TSGA13: variants seen among roughly 807,000 people sequenced by gnomAD.
The protein encoded by TSGA13 is testis specific 13, also known as testis-specific gene 13 protein.
Under a neutral mutation model 35.1 loss-of-function variants are expected in TSGA13, and 37 were observed. The observed-to-expected ratio is 1.05, with a 90% CI of 0.81 to 1.39. TSGA13 has a LOEUF of 1.39. TSGA13 is among the 40% of genes most tolerant of loss of function. TSGA13 has a pLI of 0.00. For synonymous variants in TSGA13, 124 were observed against 121.2 expected (o/e 1.02, Z -0.15); for missense variants, 338 against 328.5 (o/e 1.03, Z -0.22).
Position 130,671,801 on chromosome 7 carries a change from A to G in TSGA13, c.531-13T>C, listed in dbSNP as rs1234036247. The G allele has an allele frequency of 5.1e-6, 8 of 1,567,780 alleles. No homozygotes were observed. Among genetic ancestry groups the G allele is most frequent in the Non-Finnish European group, 6.9e-6 (8 of 1,152,366 alleles). On this transcript the variant is annotated splice_polypyrimidine_tract_variant and intron_variant, in intron 6 of 7. Coordinates refer to ENST00000356588, the MANE Select transcript of TSGA13 (RefSeq NM_052933.4). ...GTCAGTGGAAAACCTTAACAAAGAA[A>G]GTTCTTTGTTTAGTAGATCCTAGGG...
intron 5 of TSGA13, 34 bp from the exon 6 acceptor site, chr7:130,672,910 T>G (rs1362420958): frequency 2.5e-6 from 4 of 1,596,686 alleles, no homozygotes; most frequent in East Asian, 4.5e-5. Flanking sequence ...AGTGAGGGAG[T>G]AAGCTGAGTC....
At position 130,671,902 on chromosome 7, in the gene TSGA13, T is replaced by C. The variant is rs922880701; in HGVS notation, c.531-114A>G. On this transcript the variant is annotated intron_variant, in intron 6 of 7. Coordinates refer to ENST00000356588, the MANE Select transcript of TSGA13 (RefSeq NM_052933.4). The stretch of plus-strand genomic sequence containing the variant: ...TTTATTTTATTTTATTTTATGTATT[T>C]ATTTTGAGACACAAGTCTTGTTCTG... The C allele has an allele frequency of 7.0e-6, 5 of 709,256 alleles. No homozygotes were observed. In the Admixed American group the frequency reaches 1.8e-4, roughly 25 times the overall value. 43.9% of individuals were successfully genotyped at this position (709,256 alleles called of 1,614,324 possible).
chr7:130,674,921 A>G (rs565168263), intron 5 of TSGA13, among the ~76,000 whole-genome samples: 146 of 152,330 alleles, frequency 9.6e-4, no homozygotes, highest in African/African-American at 3.1e-3. Context: ...CAACCTAATA[A>G]TTTTAAGGGA....
chr7:130,681,374 C>T (rs931691910), intron 3 of TSGA13, among the ~76,000 whole-genome samples: 5 of 152,090 alleles, frequency 3.3e-5, no homozygotes, highest in African/African-American at 1.2e-4. Flanking sequence ...TTTTCCATAG[C>T]TATAGGAGTG....
chr7:130,685,484 A>G (rs1382284289), intron 1 of TSGA13, 124 bp from the exon 2 acceptor site: 1 of 897,544 alleles, frequency 1.1e-6, no homozygotes. Flanking sequence ...GGAGAAAGCG[A>G]TTATCCAATG....
Position 130,679,228 on chromosome 7 carries a change from G to A in TSGA13, c.314C>T (p.Pro105Leu). ...TLLIMTNNPP[P>L]CSITQQDKES... ...CTTGTCTTGCTGGGTGATTGAGCAG[G>A]GAGGTGGGTTGTTGGTCATAATCAG... The change falls in exon 5 of 8, where the codon CCC becomes CTC. Residue 105 changes from proline (P) to leucine (L), a missense_variant. Pro to Leu is a moderately conservative substitution (Grantham distance 98). Transcript: ENST00000356588. 6.2e-7 allele frequency: 1 copy of A among 1,614,186 alleles called. No homozygotes were observed. The highest frequency in any genetic ancestry group is 1.7e-5 in the Admixed American group (1 of 60,016).
At chr7:130,669,386 A>C (rs1796195488) in intron 7 of TSGA13, among the ~76,000 whole-genome samples, 1 of 152,216 alleles carries the variant, frequency 6.6e-6, no homozygotes, top group Non-Finnish European at 1.5e-5. Context: ...TGGAAAATTC[A>C]TTGCCAGTTT....
At position 130,671,741 on chromosome 7, in the gene TSGA13, A is replaced by G; in HGVS notation, c.578T>C (p.Val193Ala). Residue 193 changes from valine (V) to alanine (A), a missense_variant, in exon 7 of 8, where the codon GTC (valine) becomes GCC (alanine). Val to Ala is a moderately conservative substitution (Grantham distance 64, BLOSUM62 0). Coordinates refer to ENST00000356588, the MANE Select transcript of TSGA13 (RefSeq NM_052933.4). ...TTTCTTCTGTGTCCTCAAAGCGTAGACTTTTGAATACTTCCCTTCGCTCTT... is the reference window on the plus strand; with the variant it reads ...TTTCTTCTGTGTCCTCAAAGCGTAGGCTTTTGAATACTTCCCTTCGCTCTT... ...DFKSEGKYSK[V>A]YALRTQKKMY... is the part of the protein sequence containing the mutation. 1 of 1,607,102 alleles carries G rather than the reference A, an allele frequency of 6.2e-7. No homozygotes were observed. The highest frequency in any genetic ancestry group is 2.2e-5 in the East Asian group (1 of 44,670).
intron 5 of TSGA13, among the ~76,000 whole-genome samples, chr7:130,675,099 A>G (rs1796379236): frequency 6.6e-6 from 1 of 152,110 alleles, no homozygotes; most frequent in Non-Finnish European, 1.5e-5. Flanking sequence ...CCAAGACAGC[A>G]CTAGTGAAGG....
At chr7:130,682,316 C>T (rs186918405) in intron 3 of TSGA13, among the ~76,000 whole-genome samples, 2,666 of 152,198 alleles carry the variant, frequency 0.018, 39 homozygotes, top group Non-Finnish European at 0.024. Flanking sequence ...GATGGGGTTT[C>T]GCCATATTGG....
In TSGA13 at chr7:130,679,226, A is replaced by C; in HGVS notation, c.316T>G (p.Cys106Gly). 6.2e-7 allele frequency: 1 copy of C among 1,614,168 alleles called. No individual in the cohort carries two copies. The highest frequency in any genetic ancestry group is 8.5e-7 in the Non-Finnish European group (1 of 1,180,016). The part of the protein sequence containing the change: ...LLIMTNNPPP[C>G]SITQQDKESA... The stretch of plus-strand genomic sequence containing the variant: ...TCCTTGTCTTGCTGGGTGATTGAGC[A>C]GGGAGGTGGGTTGTTGGTCATAATC... Residue 106 changes from cysteine (C) to glycine (G), a missense_variant, in exon 5 of 8, where the codon TGC (cysteine) becomes GGC (glycine). Transcript: ENST00000356588.
At chr7:130,682,083 G>T (rs1796560386) in intron 3 of TSGA13, among the ~76,000 whole-genome samples, 1 of 151,802 alleles carries the variant, frequency 6.6e-6, no homozygotes. Context: ...GGGTCTAAAG[G>T]CACGTGCCAC....
At position 130,668,807 on chromosome 7, in the gene TSGA13, C is replaced by G. The variant is rs556569361; in HGVS notation, c.*207G>C. ...CGCGCCTTCACTCGGGGCCAAGGCC[C>G]GCCCTCCCCGGCCGCCCTCGGCCCC... On this transcript the variant is annotated 3_prime_UTR_variant, in exon 8 of 8. Coordinates refer to ENST00000356588, the MANE Select transcript of TSGA13 (RefSeq NM_052933.4). The G allele has an allele frequency of 7.9e-7, 1 of 1,267,102 alleles. No individual in the cohort carries two copies. 78.5% of individuals were successfully genotyped at this position (1,267,102 alleles called of 1,614,324 possible).
intron 3 of TSGA13, 96 bp downstream of exon 3, chr7:130,683,498 C>A: frequency 8.6e-7 from 1 of 1,160,834 alleles, no homozygotes; most frequent in Non-Finnish European, 1.2e-6. Context: ...CTCCTTTTTG[C>A]TTTTCAATAG....
intron 4 of TSGA13, among the ~76,000 whole-genome samples, chr7:130,680,191 C>T (rs1796511104): frequency 6.6e-6 from 1 of 152,182 alleles, no homozygotes; most frequent in Non-Finnish European, 1.5e-5. Flanking sequence ...CATTGACATG[C>T]ACTCACAAGC....
Position 130,668,985 on chromosome 7 carries a change from G to A in TSGA13, c.*29C>T, listed in dbSNP as rs1796177019. ...CTGCGGACCCCTCAGTCTCAAGAGA[G>A]CGAGGCGGGAGGACTGAGGGGTCTG... On this transcript the variant is annotated 3_prime_UTR_variant, in exon 8 of 8. Transcript: ENST00000356588. 3 of 1,610,166 alleles carry A rather than the reference G, an allele frequency of 1.9e-6. No homozygotes were observed. The highest frequency in any genetic ancestry group is 1.7e-6 in the Non-Finnish European group (2 of 1,177,946).
chr7:130,670,398 C>T (rs2116292982), intron 7 of TSGA13, among the ~76,000 whole-genome samples: 1 of 152,170 alleles, frequency 6.6e-6, no homozygotes, highest in South Asian at 2.1e-4. Context: ...TAGGGAGTCT[C>T]AGGAATTGTT....
At chr7:130,671,906 T>C (rs1796282500) in intron 6 of TSGA13, 118 bp from the exon 7 acceptor site, 1 of 761,122 alleles carries the variant, frequency 1.3e-6, no homozygotes, top group African/African-American at 1.9e-5. Context: ...TGTATTTATT[T>C]TGAGACACAA....
At chr7:130,675,691 T>C (rs1267557756) in intron 5 of TSGA13, among the ~76,000 whole-genome samples, 1 of 152,180 alleles carries the variant, frequency 6.6e-6, no homozygotes, top group East Asian at 1.9e-4. Context: ...CCGGTTTGAG[T>C]CTTCTAGCCT....
Sources: allele counts gnomAD v4.1 joint callset (sites outside exome capture counted in the v4.1 genomes callset), GRCh38; gene constraint gnomAD v4.1.1; transcripts MANE v1.5; gene names NCBI Gene and HGNC (gene_info 2026-07-23, HGNC 2026-07-21).